Variants in KHDRBS2 observed in about 807,000 individuals in gnomAD.
KHDRBS2 encodes the protein KH RNA binding domain containing, signal transduction associated 2, also known as KH domain-containing, RNA-binding, signal transduction-associated protein 2.
Under a neutral mutation model 44.3 loss-of-function variants are expected in KHDRBS2, and 26 were observed. The observed-to-expected ratio is 0.59, with a 90% CI of 0.43 to 0.81. The LOEUF is 0.81. Ranked by LOEUF, KHDRBS2 falls within the 40% of genes least tolerant of loss-of-function variation. The pLI is 0.00. For synonymous variants in KHDRBS2, 194 were observed against 151.1 expected, an observed-to-expected ratio of 1.28 and a Z score of -2.08; for missense variants, 476 against 433.1, an observed-to-expected ratio of 1.10 and a Z score of -0.88.
chr6:61,680,788 C>A lies in KHDRBS2; in HGVS notation c.*175G>T, dbSNP rs1766212016. The A allele has an allele frequency of 2.1e-6, 1 of 484,402 alleles. No individual in the cohort carries two copies. The highest frequency in any genetic ancestry group is 3.7e-6 in the Non-Finnish European group (1 of 269,834). The allele number at this position is 484,402 out of a possible 1,614,324, so 30.0% of individuals were successfully genotyped here. ...TGTAAAATAATACTAGTGTCAATGT[C>A]ACGCCAACAGTACAGAGGGAAATAC... On this transcript the variant is annotated 3_prime_UTR_variant, in exon 9 of 9. Coordinates refer to ENST00000281156, the MANE Select transcript of KHDRBS2 (RefSeq NM_152688.4).
intron 3 of KHDRBS2, among the ~76,000 whole-genome samples, chr6:62,043,929 TTTC>T (rs771768759): frequency 2.6e-5 from 4 of 152,070 alleles, no homozygotes; most frequent in Non-Finnish European, 5.9e-5. Context: ...TGACTGTTAT[TTTC>T]TTAATTTTTT....
chr6:61,913,969 C>T (rs1389972124), intron 4 of KHDRBS2, among the ~76,000 whole-genome samples: 4 of 152,062 alleles, frequency 2.6e-5, no homozygotes, highest in Non-Finnish European at 5.9e-5. Context: ...CATGGTAGTG[C>T]TTCTGGACTT....
chr6:61,781,785 G>A (rs1042769457), intron 6 of KHDRBS2, among the ~76,000 whole-genome samples: 12 of 152,056 alleles, frequency 7.9e-5, no homozygotes, highest in Admixed American at 5.2e-4. Context: ...GAGGGTAGAC[G>A]TTATCAATAA....
At chr6:61,661,505 A>G in the KHDRBS2 span, 1 of 151,902 alleles carries the variant, frequency 6.6e-6, no homozygotes, top group Admixed American at 6.6e-5. Flanking sequence ...TACCCAAAAT[A>G]AACTAAATTA....
intron 4 of KHDRBS2, among the ~76,000 whole-genome samples, chr6:61,967,684 G>A (rs547625721): frequency 6.6e-6 from 1 of 151,694 alleles, no homozygotes. Flanking sequence ...CACAGAGAGA[G>A]GTGGATTATT....
intron 4 of KHDRBS2, among the ~76,000 whole-genome samples, chr6:61,954,125 A>G (rs1765379690): frequency 6.6e-6 from 1 of 152,136 alleles, no homozygotes. Context: ...ACAAGGCATA[A>G]CACTGAGAAA....
At chr6:61,975,147 G>A (rs958896430) in intron 4 of KHDRBS2, among the ~76,000 whole-genome samples, 10 of 151,936 alleles carry the variant, frequency 6.6e-5, no homozygotes, top group African/African-American at 2.2e-4. Context: ...TCTAAAGTTG[G>A]TTATCTTAGA....
Position 61,732,870 on chromosome 6 carries a change from G to T in KHDRBS2, c.811-106C>A, listed in dbSNP as rs41273299. 4.3e-6 allele frequency: 3 copies of T among 699,900 alleles called. No individual in the cohort carries two copies. The East Asian group carries it at 7.7e-5, about 18-fold the overall frequency. The allele number at this position is 699,900 out of a possible 1,614,324, so 43.4% of individuals were successfully genotyped here. A position where few individuals can be genotyped will look rare whatever the true frequency, so the allele number is the denominator to read the frequency against. The stretch of plus-strand genomic sequence containing the variant: ...AATGTGATCTTGGTTTAGATTTCAT[G>T]TTGGGTAAGTATCCATATATCACAT... On this transcript the variant is annotated intron_variant, in intron 6 of 8. Transcript: ENST00000281156.
chr6:61,591,166 G>A, the KHDRBS2 span, among the ~76,000 whole-genome samples: 1 of 152,222 alleles, frequency 6.6e-6, no homozygotes, highest in African/African-American at 2.4e-5. Context: ...AATGTGCCTT[G>A]GAATTCCTTC....
chr6:62,270,321 C>G (rs566338220), intron 1 of KHDRBS2, among the ~76,000 whole-genome samples: 1 of 132,972 alleles, frequency 7.5e-6, no homozygotes, highest in Non-Finnish European at 1.6e-5. Flanking sequence ...TCTCTCTCTC[C>G]CCCACCCACC....
At chr6:61,588,274 G>A in the KHDRBS2 span, among the ~76,000 whole-genome samples, 1 of 152,114 alleles carries the variant, frequency 6.6e-6, no homozygotes, top group African/African-American at 2.4e-5. Flanking sequence ...AAAAGCAACA[G>A]TAAGATAAAG....
At chr6:61,629,995 C>A in the KHDRBS2 span, among the ~76,000 whole-genome samples, 2 of 152,100 alleles carry the variant, frequency 1.3e-5, no homozygotes, top group African/African-American at 4.8e-5. Flanking sequence ...TACTTTCAAC[C>A]ATTTACAGGT....
chr6:61,718,265 GA>G (rs1771773489), intron 7 of KHDRBS2, among the ~76,000 whole-genome samples: 1 of 152,014 alleles, frequency 6.6e-6, no homozygotes, highest in Non-Finnish European at 1.5e-5. Flanking sequence ...AGGGGTTTGA[GA>G]ACCTATTTTT....
intron 2 of KHDRBS2, among the ~76,000 whole-genome samples, chr6:62,099,736 G>C (rs915912164): frequency 2.0e-5 from 3 of 152,102 alleles, no homozygotes; most frequent in Non-Finnish European, 4.4e-5. Flanking sequence ...CAGCAGTGTG[G>C]TACATCCAAG....
intron 4 of KHDRBS2, among the ~76,000 whole-genome samples, chr6:61,954,811 C>CATATGTGTATATACACAT (rs1562513308): frequency 5.9e-5 from 3 of 50,552 alleles, no homozygotes; most frequent in Non-Finnish European, 8.1e-5. Context: ...TGTATACATA[C>CATATGTGTATATACACAT]GCATGTGTAT....
chr6:62,095,601 A>G (rs1800417220), intron 2 of KHDRBS2, among the ~76,000 whole-genome samples: 1 of 151,874 alleles, frequency 6.6e-6, no homozygotes, highest in African/African-American at 2.4e-5. Context: ...CTAACAATGC[A>G]CTTCTTAACT....
Position 61,894,619 on chromosome 6 carries a change from T to A in KHDRBS2, c.810+16A>T. On this transcript the variant is annotated intron_variant, in intron 6 of 8. Transcript: ENST00000281156. ...ATTTAACTCATCCTTACAACTTATT[T>A]CTTAAGAGTACTTACATATTCTTCA... The A allele has an allele frequency of 1.2e-6, 2 of 1,601,302 alleles. No individual in the cohort carries two copies. Among genetic ancestry groups the A allele is most frequent in the South Asian group, 1.1e-5 (1 of 89,820 alleles).
chr6:61,645,478 A>T, the KHDRBS2 span, among the ~76,000 whole-genome samples: 2 of 151,326 alleles, frequency 1.3e-5, no homozygotes, highest in African/African-American at 2.4e-5. Context: ...AAAAAAATTT[A>T]AAAACAAAAA....
At chr6:61,643,083 C>A in the KHDRBS2 span, among the ~76,000 whole-genome samples, 1 of 152,044 alleles carries the variant, frequency 6.6e-6, no homozygotes, top group Non-Finnish European at 1.5e-5. Flanking sequence ...CATATATATT[C>A]TGATATGTAT....
Sources: gnomAD v4.1 joint callset for allele counts (sites outside exome capture counted in the v4.1 genomes callset) on GRCh38, gnomAD v4.1.1 for gene constraint, MANE v1.5 for transcripts, NCBI Gene and HGNC (gene_info 2026-07-23, HGNC 2026-07-21) for gene names.